Variants in NXN observed in about 807,000 individuals in gnomAD.
NXN encodes the protein nucleoredoxin.
Under a neutral mutation model 48.6 loss-of-function variants are expected in NXN, and 16 were observed. The observed-to-expected ratio is 0.33, with a 90% confidence interval of 0.22 to 0.50. NXN has a LOEUF of 0.50. NXN is among the 20% of genes least tolerant of loss of function. The probability of loss-of-function intolerance (pLI) is 0.98; values close to 1 mark genes in which losing one functional copy is unlikely to be tolerated. For synonymous variants in NXN, 281 were observed against 269.6 expected (o/e 1.04, Z -0.41); for missense variants, 492 against 605.5 (o/e 0.81, Z 1.97).
At chr17:876,801 T>C (rs771167919) in intron 1 of NXN, among the ~76,000 whole-genome samples, 1 of 151,758 alleles carries the variant, frequency 6.6e-6, no homozygotes, top group Non-Finnish European at 1.5e-5. Context: ...CCCAGCACTT[T>C]GGGAGGCTGC....
At chr17:883,610 G>A (rs539109523) in intron 1 of NXN, among the ~76,000 whole-genome samples, 2 of 152,380 alleles carry the variant, frequency 1.3e-5, no homozygotes, top group East Asian at 3.9e-4. Context: ...CCAGGTCGAT[G>A]CTGGAAGGGC....
chr17:948,318 C>T (rs904087532), intron 1 of NXN, among the ~76,000 whole-genome samples: 1 of 151,274 alleles, frequency 6.6e-6, no homozygotes. Context: ...AATATGTACA[C>T]CATAAAAATT....
At position 978,416 on chromosome 17, in the gene NXN, G is replaced by A. The variant is rs2069486437; in HGVS notation, c.360+903C>T. ...AGCAAACTGGGAGACACGAGAAGTT[G>A]ACAGCAAAGTATCCATTTCCCCAAA... is the stretch of plus-strand genomic sequence containing the variant. On this transcript the variant is annotated intron_variant, in intron 1 of 7. Transcript: ENST00000336868. This position sits in a 1 kb window ranked among gnomAD's most constrained non-coding sequence, Gnocchi z 4.1. The A allele has an allele frequency of 1.3e-5, 2 of 150,204 alleles. No homozygotes were observed. The highest frequency in any genetic ancestry group is 3.0e-5 in the Non-Finnish European group (2 of 67,662). The allele number at this position is 150,204 out of a possible 1,614,324, so 9.3% of individuals were successfully genotyped here. A position where few individuals can be genotyped will look rare whatever the true frequency, so the allele number is the denominator to read the frequency against.
intron 1 of NXN, among the ~76,000 whole-genome samples, chr17:895,320 C>T (rs111593802): frequency 0.034 from 5,195 of 151,616 alleles, 109 homozygotes; most frequent in African/African-American, 0.058. Context: ...CCTGGCCCAC[C>T]CCTTCCCTTC....
intron 5 of NXN, among the ~76,000 whole-genome samples, chr17:806,749 G>A (rs370552636): frequency 1.1e-3 from 173 of 152,120 alleles, no homozygotes; most frequent in African/African-American, 3.9e-3. Flanking sequence ...TATGGCCCTC[G>A]TGTTTCGTAC....
chr17:956,746 C>A lies in NXN; in HGVS notation c.360+22573G>T, dbSNP rs776968526. On this transcript the variant is annotated intron_variant, in intron 1 of 7. Transcript: ENST00000336868. This position sits in a 1 kb window ranked among gnomAD's most constrained non-coding sequence, Gnocchi z 4.1. Reference sequence around the variant, plus strand: ...TTTTTATATCAGTCATCGTCTTAAACCTCCACCGCAACCTGACAAGGTGGA... The same window carrying A: ...TTTTTATATCAGTCATCGTCTTAAAACTCCACCGCAACCTGACAAGGTGGA... Among the ~76,000 whole-genome samples the A allele has an allele frequency of 4.6e-5, 7 of 152,126 alleles. No homozygotes were observed. Among genetic ancestry groups the A allele is most frequent in the Non-Finnish European group, 8.8e-5 (6 of 68,028 alleles).
intron 1 of NXN, among the ~76,000 whole-genome samples, chr17:892,402 G>C (rs1008209431): frequency 1.3e-5 from 2 of 152,196 alleles, no homozygotes; most frequent in Non-Finnish European, 2.9e-5. Flanking sequence ...CTGGAATGCT[G>C]CCTCTCACTT....
chr17:924,172 A>G (rs2068774873), intron 1 of NXN, among the ~76,000 whole-genome samples: 1 of 151,944 alleles, frequency 6.6e-6, no homozygotes, highest in African/African-American at 2.4e-5. Flanking sequence ...CATCCTGCAT[A>G]TCTGGGACCA....
intron 1 of NXN, 77 bp from the exon 2 acceptor site, chr17:826,155 C>T: frequency 1.1e-6 from 1 of 920,800 alleles, no homozygotes; most frequent in Non-Finnish European, 1.8e-6. Flanking sequence ...CCCCTTAGGT[C>T]TGGAGGCTGG....
chr17:959,605 T>C (rs1465500445), intron 1 of NXN, among the ~76,000 whole-genome samples: 2 of 147,434 alleles, frequency 1.4e-5, no homozygotes, highest in African/African-American at 2.5e-5. Flanking sequence ...AAGACCAGCC[T>C]GGCCAACATG....
rs933118812 is a variant in NXN at position 956,810 on chromosome 17, G to T, written c.360+22509C>A. Among the ~76,000 whole-genome samples the T allele has an allele frequency of 1.3e-5, 2 of 152,164 alleles. No individual in the cohort carries two copies. Among genetic ancestry groups the T allele is most frequent in the Non-Finnish European group, 2.9e-5 (2 of 68,028 alleles). ...CCCACTTTACAGATGAGGAAGTGGGGTTAAAGTAACTTGCCCAAGATCTCA... is the reference window on the plus strand; with the variant it reads ...CCCACTTTACAGATGAGGAAGTGGGTTTAAAGTAACTTGCCCAAGATCTCA... On this transcript the variant is annotated intron_variant, in intron 1 of 7. Coordinates refer to ENST00000336868, the MANE Select transcript of NXN (RefSeq NM_022463.5). This position sits in a 1 kb window ranked among gnomAD's most constrained non-coding sequence, Gnocchi z 4.1.
intron 1 of NXN, among the ~76,000 whole-genome samples, chr17:953,437 C>T (rs2069134679): frequency 6.6e-6 from 1 of 151,998 alleles, no homozygotes; most frequent in African/African-American, 2.4e-5. Flanking sequence ...GACTATGACC[C>T]CCCTCCCACC....
intron 1 of NXN, among the ~76,000 whole-genome samples, chr17:837,250 CT>C (rs1352662727): frequency 6.6e-6 from 1 of 152,112 alleles, no homozygotes; most frequent in Admixed American, 6.5e-5. Context: ...AGTGCTGGGG[CT>C]ACAGGTGTAA....
At chr17:838,556 G>A (rs970148801) in intron 1 of NXN, among the ~76,000 whole-genome samples, 2 of 152,200 alleles carry the variant, frequency 1.3e-5, no homozygotes, top group South Asian at 2.1e-4. Flanking sequence ...GTGGTGAGAC[G>A]CCGAGTCGGC....
chr17:915,326 C>T (rs1473338917), intron 1 of NXN, among the ~76,000 whole-genome samples: 3 of 152,136 alleles, frequency 2.0e-5, no homozygotes, highest in Non-Finnish European at 2.9e-5. Context: ...TAGAGTCTCA[C>T]TCTGTCGCCC....
intron 1 of NXN, among the ~76,000 whole-genome samples, chr17:834,929 C>T (rs1321195509): frequency 2.0e-5 from 3 of 151,616 alleles, no homozygotes; most frequent in East Asian, 2.0e-4. Flanking sequence ...TGAGCCACCA[C>T]GCCTGGCCCC....
At chr17:806,027 C>T (rs562853353) in intron 5 of NXN, among the ~76,000 whole-genome samples, 1 of 152,106 alleles carries the variant, frequency 6.6e-6, no homozygotes, top group East Asian at 1.9e-4. Flanking sequence ...CCTCGCCCGG[C>T]CACAGTGAGC....
rs187778180 is a variant in NXN at position 871,235 on chromosome 17, G to A, written c.361-45157C>T. Among the ~76,000 whole-genome samples the A allele has an allele frequency of 2.7e-3, 403 of 151,912 alleles. 2 individuals are homozygous for A. The highest frequency in any genetic ancestry group is 5.6e-3 in the Admixed American group (85 of 15,244). ...ACATTGGCAGCCACCATGAACTAAG[G>A]GAGTGTACATACAACCTCCCAGGCA... On this transcript the variant is annotated intron_variant, in intron 1 of 7. Transcript: ENST00000336868.
chr17:937,321 A>G (rs1045991357), intron 1 of NXN, among the ~76,000 whole-genome samples: 3 of 152,144 alleles, frequency 2.0e-5, no homozygotes, highest in Admixed American at 2.0e-4. Context: ...AGAAGAGCCC[A>G]GGAGTCCAAG....
Sources: gnomAD v4.1 joint callset for allele counts (sites outside exome capture counted in the v4.1 genomes callset) on GRCh38, gnomAD v4.1.1 for gene constraint, Gnocchi (gnomAD v3.1) non-coding constraint, MANE v1.5 for transcripts, NCBI Gene and HGNC (gene_info 2026-07-23, HGNC 2026-07-21) for gene names.